The following EXOC4 variants were observed in gnomAD, a reference collection of about 807,000 sequenced individuals.
EXOC4 encodes SEC8-like 1.
A neutral mutation model predicts 107.2 loss-of-function variants in EXOC4; 71 were observed. That is an observed-to-expected ratio of 0.66 (90% CI 0.55 to 0.81). EXOC4 has a LOEUF of 0.81. Among genes scored for constraint, EXOC4 ranks in the 30% least tolerant of loss-of-function variants. The pLI is 0.00. For synonymous variants in EXOC4, 456 were observed against 441.2 expected (o/e 1.03, Z -0.42); for missense variants, 1,108 against 1,189.6 (o/e 0.93, Z 1.01).
chr7:133,846,971 TG>T (rs977902772), intron 11 of EXOC4, among the ~76,000 whole-genome samples: 9 of 152,242 alleles, frequency 5.9e-5, no homozygotes, highest in African/African-American at 2.2e-4. Context: ...GAAAGTTACA[TG>T]GGATAATTTA....
In EXOC4 at chr7:133,705,224, A is replaced by G. The variant is rs188411502; in HGVS notation, c.1514+75083A>G. Among the ~76,000 whole-genome samples, 4 of 152,112 alleles carry G rather than the reference A, an allele frequency of 2.6e-5. No individual in the cohort carries two copies. In the East Asian group the frequency reaches 7.8e-4, roughly 30 times the overall value. On this transcript the variant is annotated intron_variant, in intron 10 of 17. Coordinates refer to ENST00000253861, the MANE Select transcript of EXOC4 (RefSeq NM_021807.4). ...CTTACTAAAAATACAAAAATTAGCC[A>G]GGTGTGGTGGTGTGTGCCTGTAATC... is the stretch of plus-strand genomic sequence containing the variant.
intron 17 of EXOC4, among the ~76,000 whole-genome samples, chr7:134,034,259 T>A (rs1325067408): frequency 6.6e-6 from 1 of 151,762 alleles, no homozygotes; most frequent in Non-Finnish European, 1.5e-5. Context: ...TGTGAAAAAC[T>A]CAAGTAGTAC....
chr7:133,956,451 T>G (rs760442532), intron 14 of EXOC4, among the ~76,000 whole-genome samples: 1 of 152,180 alleles, frequency 6.6e-6, no homozygotes, highest in Admixed American at 6.5e-5. Flanking sequence ...AACTTGGCCT[T>G]TCAGTTATCT....
chr7:133,502,844 A>G (rs1214728253), intron 9 of EXOC4, among the ~76,000 whole-genome samples: 4 of 152,192 alleles, frequency 2.6e-5, no homozygotes. Context: ...GAAATAGCAG[A>G]GCAGCAAATC....
intron 17 of EXOC4, among the ~76,000 whole-genome samples, chr7:134,030,374 A>G (rs534013379): frequency 6.6e-6 from 1 of 152,244 alleles, no homozygotes; most frequent in African/African-American, 2.4e-5. Flanking sequence ...TGGTATATCC[A>G]TGCAGCAGAA....
At chr7:133,253,625 A>T in intron 1 of EXOC4, 1 of 595,718 alleles carries the variant, frequency 1.7e-6, no homozygotes, top group Non-Finnish European at 2.1e-6. Flanking sequence ...CGAGTTGCAG[A>T]TTTGTGTTTT....
the EXOC4 span, among the ~76,000 whole-genome samples, chr7:134,081,029 T>A: frequency 6.6e-6 from 1 of 152,080 alleles, no homozygotes; most frequent in Admixed American, 6.5e-5. Flanking sequence ...AAATGATTCC[T>A]TTCTTGACCA....
intron 11 of EXOC4, among the ~76,000 whole-genome samples, chr7:133,855,042 TATATATCTAA>T (rs61152921): frequency 2.2e-4 from 17 of 75,676 alleles, no homozygotes; most frequent in African/African-American, 3.7e-4. Context: ...TCTAAATATA[TATATATCTAA>T]ATATATCTAA....
At chr7:133,309,770 T>G (rs1471139468) in intron 4 of EXOC4, among the ~76,000 whole-genome samples, 1 of 152,174 alleles carries the variant, frequency 6.6e-6, no homozygotes, top group East Asian at 1.9e-4. Context: ...TAAAACCCCA[T>G]CTCTACTGAA....
chr7:133,483,927 C>A, intron 9 of EXOC4: 2 of 1,100,818 alleles, frequency 1.8e-6, no homozygotes, highest in South Asian at 2.5e-5. Flanking sequence ...ATAGTTCAGT[C>A]AAACCGTAAG....
intron 10 of EXOC4, among the ~76,000 whole-genome samples, chr7:133,783,875 C>T (rs1249775778): frequency 6.6e-6 from 1 of 152,106 alleles, no homozygotes; most frequent in Non-Finnish European, 1.5e-5. Context: ...TAGTTGATGG[C>T]ATGAAGAAAA....
chr7:133,779,768 A>G (rs1333770948), intron 10 of EXOC4, among the ~76,000 whole-genome samples: 1 of 152,068 alleles, frequency 6.6e-6, no homozygotes, highest in Non-Finnish European at 1.5e-5. Context: ...TGTAAAATGG[A>G]CCAATCAGCA....
intron 10 of EXOC4, among the ~76,000 whole-genome samples, chr7:133,662,701 A>G (rs1202164881): frequency 6.6e-6 from 1 of 152,050 alleles, no homozygotes; most frequent in Non-Finnish European, 1.5e-5. Flanking sequence ...AAATAAACAA[A>G]TATGTGTATA....
rs140706297 is a variant in EXOC4 at position 133,635,777 on chromosome 7, C to G, written c.1514+5636C>G. 4.1e-4 allele frequency among the ~76,000 whole-genome samples: 63 copies of G among 152,292 alleles called. 1 individual carries two copies. The highest frequency in any genetic ancestry group is 1.5e-3 in the African/African-American group (63 of 41,560). On this transcript the variant is annotated intron_variant, in intron 10 of 17. Coordinates refer to ENST00000253861, the MANE Select transcript of EXOC4 (RefSeq NM_021807.4). ...CAAGTACACCCTGGCCCAAGGAAAC[C>G]TTCCGAGTCCTCACATGGCCTCTTC...
chr7:134,092,900 G>T, the EXOC4 span, among the ~76,000 whole-genome samples: 1 of 143,200 alleles, frequency 7.0e-6, no homozygotes, highest in Non-Finnish European at 1.5e-5. Context: ...TCCAGCCTGG[G>T]CGACAGAGTG....
At chr7:133,684,029 G>T (rs1042048695) in intron 10 of EXOC4, among the ~76,000 whole-genome samples, 1 of 151,998 alleles carries the variant, frequency 6.6e-6, no homozygotes, top group Admixed American at 6.6e-5. Context: ...GAAAGCTACG[G>T]GATCACATTT....
intron 5 of EXOC4, among the ~76,000 whole-genome samples, chr7:133,318,184 C>T (rs1324155487): frequency 6.6e-6 from 1 of 152,238 alleles, no homozygotes; most frequent in Non-Finnish European, 1.5e-5. Context: ...GTACCTGTAA[C>T]ACACTTTGAG....
chr7:133,392,770 G>A (rs1384644200), intron 7 of EXOC4, among the ~76,000 whole-genome samples: 1 of 152,132 alleles, frequency 6.6e-6, no homozygotes, highest in East Asian at 1.9e-4. Context: ...AATCAAAGAA[G>A]TAAACTAAAA....
intron 17 of EXOC4, among the ~76,000 whole-genome samples, chr7:134,042,792 C>A (rs1283394268): frequency 6.6e-6 from 1 of 152,198 alleles, no homozygotes; most frequent in East Asian, 1.9e-4. Flanking sequence ...AATCCCAGCA[C>A]TTTGGGAGAC....
Sources: allele counts gnomAD v4.1 joint callset (sites outside exome capture counted in the v4.1 genomes callset), GRCh38; gene constraint gnomAD v4.1.1; transcripts MANE v1.5; gene names NCBI Gene and HGNC (gene_info 2026-07-23, HGNC 2026-07-21).